The following RIMS3 variants were observed in gnomAD, a reference collection of about 807,000 sequenced individuals.
The protein encoded by RIMS3 is regulating synaptic membrane exocytosis protein 3.
Under a neutral mutation model 29.2 loss-of-function variants are expected in RIMS3, and 15 were observed. The observed-to-expected ratio is 0.51, with a 90% confidence interval of 0.34 to 0.79. The LOEUF is 0.79. RIMS3 is among the 30% of genes least tolerant of loss of function. The pLI is 0.01. For missense variants in RIMS3, 342 were observed against 421.4 expected (o/e 0.81, Z 1.65); for synonymous variants, 161 against 170.1 (o/e 0.95, Z 0.41).
chr1:40,656,004 G>A (rs558472103), intron 1 of RIMS3, among the ~76,000 whole-genome samples: 3 of 151,962 alleles, frequency 2.0e-5, no homozygotes, highest in South Asian at 4.2e-4. Flanking sequence ...CAGAGACTCC[G>A]TCTCAAAAAA....
chr1:40,642,176 C>G (rs920065585), intron 2 of RIMS3, among the ~76,000 whole-genome samples: 1 of 152,154 alleles, frequency 6.6e-6, no homozygotes, highest in East Asian at 1.9e-4. Context: ...TGCAGGTGAC[C>G]GGTTTGATGG....
intron 7 of RIMS3, 78 bp downstream of exon 7, chr1:40,628,732 G>C (rs1300626564): frequency 1.3e-6 from 2 of 1,583,962 alleles, no homozygotes; most frequent in Non-Finnish European, 1.7e-6. Context: ...GGCACAGGAT[G>C]AATCATAAAT....
Position 40,629,308 on chromosome 1 carries a change from C to A in RIMS3, c.537G>T (p.Arg179=). ...GQLEVEVIEA[R]GLTPKPGSKS... ...TGGAGCCTGGTTTGGGGGTCAGGCC[C>A]CGAGCTTCAATCACTTCCACCTCCA... Residue 179 remains arginine, a synonymous_variant, in exon 6 of 8, where the codon CGG becomes CGT. Coordinates refer to ENST00000372684, the MANE Select transcript of RIMS3 (RefSeq NM_014747.3). 6.2e-7 allele frequency: 1 copy of A among 1,614,168 alleles called. No homozygotes were observed. The highest frequency in any genetic ancestry group is 8.5e-7 in the Non-Finnish European group (1 of 1,180,028).
Position 40,635,776 on chromosome 1 carries a change from T to A in RIMS3, c.359+140A>T. The A allele has an allele frequency of 9.4e-7, 1 of 1,058,884 alleles. No homozygotes were observed. The highest frequency in any genetic ancestry group is 1.5e-5 in the South Asian group (1 of 68,806). The allele number at this position is 1,058,884 out of a possible 1,614,324, so 65.6% of individuals were successfully genotyped here. A position where few individuals can be genotyped will look rare whatever the true frequency, so the allele number is the denominator to read the frequency against. On this transcript the variant is annotated intron_variant, in intron 4 of 7. Coordinates refer to ENST00000372684, the MANE Select transcript of RIMS3 (RefSeq NM_014747.3). The surrounding 1 kb of genome is among the most constrained non-coding windows in gnomAD (Gnocchi z 4.1). ...AGGCACAGAGTGTTGAGGGGAGGGG[T>A]ATGAAGGAAGGCAGAGACACAGAGG...
intron 7 of RIMS3, among the ~76,000 whole-genome samples, chr1:40,627,770 T>G (rs1161051866): frequency 1.2e-5 from 1 of 83,326 alleles, no homozygotes; most frequent in Non-Finnish European, 2.3e-5. Flanking sequence ...ACCAGATAAT[T>G]TTTTTTTTTT....
chr1:40,664,948 G>A (rs1050383968), intron 1 of RIMS3, among the ~76,000 whole-genome samples: 5 of 152,104 alleles, frequency 3.3e-5, no homozygotes, highest in African/African-American at 1.2e-4. Context: ...TGGGGTGGAG[G>A]GGGTCCTCTG....
Position 40,636,073 on chromosome 1 carries a change from C to T in RIMS3, c.218-16G>A, listed in dbSNP as rs1646518036. 1 of 1,601,754 alleles carries T rather than the reference C, an allele frequency of 6.2e-7. No homozygotes were observed. The highest frequency in any genetic ancestry group is 2.2e-5 in the East Asian group (1 of 44,874). Reference sequence around the variant, plus strand: ...GTGGCCCCTTCTGTGACCCCCCCAACCCCAAGCACAGAGAGGGAACAAGGT... The same window carrying T: ...GTGGCCCCTTCTGTGACCCCCCCAATCCCAAGCACAGAGAGGGAACAAGGT... On this transcript the variant is annotated splice_polypyrimidine_tract_variant and intron_variant, in intron 3 of 7. Coordinates refer to ENST00000372684, the MANE Select transcript of RIMS3 (RefSeq NM_014747.3). This position sits in a 1 kb window ranked among gnomAD's most constrained non-coding sequence, Gnocchi z 4.2.
At chr1:40,651,368 C>T (rs1046048125) in intron 1 of RIMS3, among the ~76,000 whole-genome samples, 7 of 152,232 alleles carry the variant, frequency 4.6e-5, no homozygotes, top group African/African-American at 1.7e-4. Flanking sequence ...CAAGGATTGC[C>T]ACCTGTCACC....
intron 1 of RIMS3, among the ~76,000 whole-genome samples, chr1:40,659,998 C>T (rs558621491): frequency 7.9e-5 from 12 of 152,224 alleles, no homozygotes; most frequent in Admixed American, 2.6e-4. Context: ...TGAAAGAAAG[C>T]GGGGCAAGAA....
At chr1:40,663,244 C>G (rs999259343) in intron 1 of RIMS3, among the ~76,000 whole-genome samples, 1 of 152,164 alleles carries the variant, frequency 6.6e-6, no homozygotes, top group Admixed American at 6.5e-5. Flanking sequence ...ACAGGAGAGA[C>G]AGTGCCACAG....
upstream of RIMS3, among the ~76,000 whole-genome samples, chr1:40,668,162 A>G (rs1004089404): frequency 2.6e-5 from 4 of 151,500 alleles, no homozygotes; most frequent in African/African-American, 9.7e-5. Context: ...GAGGCAGGAG[A>G]ATCGCTTGAA....
chr1:40,669,531 A>T (rs1642465723), upstream of RIMS3: 2 of 152,268 alleles, frequency 1.3e-5, 1 homozygote, highest in South Asian at 4.1e-4. Flanking sequence ...CCTGATGGCT[A>T]CAGAGGACTC....
intron 3 of RIMS3, among the ~76,000 whole-genome samples, chr1:40,638,302 G>A (rs1162163910): frequency 6.6e-6 from 1 of 152,154 alleles, no homozygotes; most frequent in Non-Finnish European, 1.5e-5. Flanking sequence ...ACCTCAGAGG[G>A]AGGAGAAAGC....
chr1:40,685,295 ATT>A, the RIMS3 span, among the ~76,000 whole-genome samples: 2,205 of 143,120 alleles, frequency 0.015, 25 homozygotes, highest in African/African-American at 0.031. Context: ...TAATATATAT[ATT>A]ATATATATTA....
intron 2 of RIMS3, among the ~76,000 whole-genome samples, chr1:40,643,043 A>G (rs531608631): frequency 6.6e-6 from 1 of 152,314 alleles, no homozygotes; most frequent in Non-Finnish European, 1.5e-5. Flanking sequence ...GTATAGAAGT[A>G]GCATAATTGA....
chr1:40,671,390 T>C, the RIMS3 span, among the ~76,000 whole-genome samples: 2 of 152,206 alleles, frequency 1.3e-5, no homozygotes, highest in African/African-American at 4.8e-5. Context: ...GTGATATGGT[T>C]TGGATCTGTG....
At chr1:40,685,182 T>G in the RIMS3 span, among the ~76,000 whole-genome samples, 2 of 151,412 alleles carry the variant, frequency 1.3e-5, no homozygotes, top group African/African-American at 4.9e-5. Flanking sequence ...TATGGTAGGA[T>G]GCATCCTGTC....
At chr1:40,679,497 T>G in the RIMS3 span, among the ~76,000 whole-genome samples, 16 of 152,240 alleles carry the variant, frequency 1.1e-4, no homozygotes, top group African/African-American at 3.9e-4. Flanking sequence ...AAAGGCCATA[T>G]GTATTGGACA....
Position 40,636,139 on chromosome 1 carries a change from C to T in RIMS3, c.218-82G>A. ...GCTTCTCTAAGAGTCCTGCCAAAGT[C>T]ACTCTCTTGGCATGGGGGGTTGATG... On this transcript the variant is annotated intron_variant, in intron 3 of 7. Transcript: ENST00000372684. This position sits in a 1 kb window ranked among gnomAD's most constrained non-coding sequence, Gnocchi z 4.2. 1.4e-5 allele frequency: 21 copies of T among 1,543,028 alleles called. No individual in the cohort carries two copies. The highest frequency in any genetic ancestry group is 1.9e-5 in the Non-Finnish European group (21 of 1,132,410).
Sources: allele counts gnomAD v4.1 joint callset (sites outside exome capture counted in the v4.1 genomes callset), GRCh38; gene constraint gnomAD v4.1.1; non-coding constraint Gnocchi (gnomAD v3.1); transcripts MANE v1.5; gene names NCBI Gene and HGNC (gene_info 2026-07-23, HGNC 2026-07-21).